The following TMLHE variants were observed in gnomAD, a reference collection of about 807,000 sequenced individuals.
The protein encoded by TMLHE is trimethyllysine hydroxylase, epsilon.
In TMLHE, 18 loss-of-function variants were observed where a neutral mutation model predicts 25.7. The ratio of observed to expected loss-of-function variants is 0.70; its 90% confidence interval spans 0.48 to 1.04. The LOEUF (loss-of-function observed/expected upper bound fraction) is 1.04. TMLHE is among the 50% of genes least tolerant of loss of function. The pLI is 0.00. For missense variants in TMLHE, 236 were observed against 259.0 expected (o/e 0.91, Z 0.61); for synonymous variants, 105 against 97.0 (o/e 1.08, Z -0.49).
intron 2 of TMLHE, among the ~76,000 whole-genome samples, chrX:155,540,190 T>TAAAC (rs1557338032): frequency 9.1e-6 from 1 of 109,628 alleles, no homozygotes; most frequent in Admixed American, 9.8e-5. Context: ...ACAATTTGAA[T>TAAAC]AAACAAACAA....
chrX:155,528,482 C>T (rs782072846), intron 2 of TMLHE, among the ~76,000 whole-genome samples: 2 of 110,068 alleles, frequency 1.8e-5, no homozygotes, highest in Non-Finnish European at 3.8e-5. Flanking sequence ...CTTTATCCCC[C>T]TCCTTCCCTC....
At chrX:155,534,074 C>T (rs2067264822) in intron 2 of TMLHE, among the ~76,000 whole-genome samples, 1 of 111,663 alleles carries the variant, frequency 9.0e-6, no homozygotes, top group Non-Finnish European at 1.9e-5. Flanking sequence ...TCAACAGAAG[C>T]CATAAACAGA....
chrX:155,547,981 C>G (rs968438566), intron 1 of TMLHE, among the ~76,000 whole-genome samples: 2 of 111,464 alleles, frequency 1.8e-5, no homozygotes, highest in East Asian at 2.8e-4. Context: ...TTCCCATAAT[C>G]TCACTACTCA....
intron 1 of TMLHE, among the ~76,000 whole-genome samples, chrX:155,608,170 A>G (rs782310797): frequency 8.9e-6 from 1 of 112,195 alleles, no homozygotes; most frequent in Non-Finnish European, 1.9e-5. Flanking sequence ...AGAAGTCTAC[A>G]GTAACCAAAA....
At chrX:155,582,206 G>A (rs782729398) in intron 1 of TMLHE, among the ~76,000 whole-genome samples, 2 of 111,847 alleles carry the variant, frequency 1.8e-5, no homozygotes, top group South Asian at 7.4e-4. Flanking sequence ...TGTTAGACCT[G>A]AAACCACAAA....
At chrX:155,583,187 G>T (rs1557344817) in intron 1 of TMLHE, among the ~76,000 whole-genome samples, 2 of 111,062 alleles carry the variant, frequency 1.8e-5, no homozygotes, top group African/African-American at 6.6e-5. Context: ...TTGGGGGATG[G>T]GGGAGGGATA....
chrX:155,607,853 G>A (rs2067795923), intron 1 of TMLHE, among the ~76,000 whole-genome samples: 1 of 111,355 alleles, frequency 9.0e-6, no homozygotes, highest in African/African-American at 3.3e-5. Flanking sequence ...AGCTAACCTG[G>A]GAGATGAAAG....
At chrX:155,533,007 T>TA (rs2067258066) in intron 2 of TMLHE, among the ~76,000 whole-genome samples, 1 of 111,921 alleles carries the variant, frequency 8.9e-6, no homozygotes, top group African/African-American at 3.3e-5. Context: ...GGTGCCCAGA[T>TA]AAGTGGCTAA....
intron 1 of TMLHE, among the ~76,000 whole-genome samples, chrX:155,585,431 A>ACG (rs1557345186): frequency 9.1e-6 from 1 of 109,906 alleles, no homozygotes; most frequent in African/African-American, 3.3e-5. Context: ...ACACACACAC[A>ACG]CACACACACA....
At chrX:155,505,892 T>C (rs1382032108) in intron 6 of TMLHE, among the ~76,000 whole-genome samples, 2 of 111,169 alleles carry the variant, frequency 1.8e-5, no homozygotes, top group African/African-American at 6.5e-5. Context: ...AACAGTTTGC[T>C]TGGAATAAGC....
chrX:155,533,894 G>A (rs2067263924), intron 2 of TMLHE, among the ~76,000 whole-genome samples: 1 of 111,838 alleles, frequency 8.9e-6, no homozygotes, highest in South Asian at 3.7e-4. Flanking sequence ...ATTGAAGAAG[G>A]AACTGTTAAA....
chrX:155,581,004 C>A (rs1290485982), intron 1 of TMLHE, among the ~76,000 whole-genome samples: 3 of 111,897 alleles, frequency 2.7e-5, no homozygotes, highest in Non-Finnish European at 5.6e-5. Flanking sequence ...CCCTGGGATG[C>A]AAGGCTGGTT....
chrX:155,523,331 GA>G (rs2067199930), intron 3 of TMLHE, among the ~76,000 whole-genome samples: 1 of 110,654 alleles, frequency 9.0e-6, no homozygotes, highest in Non-Finnish European at 1.9e-5. Flanking sequence ...AATCTACTAT[GA>G]TTTTTTTTTT....
intron 1 of TMLHE, among the ~76,000 whole-genome samples, chrX:155,580,796 A>C (rs2067621880): frequency 9.0e-6 from 1 of 111,727 alleles, no homozygotes; most frequent in Non-Finnish European, 1.9e-5. Flanking sequence ...CAATAGAAAA[A>C]GAAGGAATCC....
At position 155,612,799 on chromosome X, in the gene TMLHE, G is replaced by C. The variant is rs2067833977; in HGVS notation, c.-9C>G. ...CCACGGGACGGAACCCACCTGTGCT[G>C]GAGGTCGTGACTGCTAACTCCGCAG... On this transcript the variant is annotated 5_prime_UTR_variant, in exon 1 of 8. Transcript: ENST00000334398. The C allele has an allele frequency of 8.9e-6, 1 of 112,198 alleles. No individual in the cohort carries two copies. The highest frequency in any genetic ancestry group is 3.9e-4 in the South Asian group (1 of 2,595). 9.2% of individuals were successfully genotyped at this position (112,198 alleles called of 1,213,427 possible).
chrX:155,520,182 G>A (rs1253946160), intron 3 of TMLHE, among the ~76,000 whole-genome samples: 1 of 13,754 alleles, frequency 7.3e-5, no homozygotes, highest in African/African-American at 1.6e-4. Context: ...TCCATGTTGA[G>A]CACTTCCTTC....
chrX:155,545,671 G>GTAA (rs1313089622), intron 1 of TMLHE, among the ~76,000 whole-genome samples: 1 of 112,000 alleles, frequency 8.9e-6, no homozygotes, highest in Non-Finnish European at 1.9e-5. Flanking sequence ...TAGTGACATG[G>GTAA]TAATGTAGCA....
At chrX:155,547,649 C>G (rs1357948077) in intron 1 of TMLHE, among the ~76,000 whole-genome samples, 5 of 109,232 alleles carry the variant, frequency 4.6e-5, no homozygotes, top group African/African-American at 6.7e-5. Flanking sequence ...TGGTGGAGCT[C>G]CACATGACTA....
At chrX:155,599,096 C>T (rs2067741413) in intron 1 of TMLHE, among the ~76,000 whole-genome samples, 1 of 111,431 alleles carries the variant, frequency 9.0e-6, no homozygotes, top group African/African-American at 3.3e-5. Flanking sequence ...TGTTAATTGA[C>T]TGTTTATGTT....
Sources: allele counts gnomAD v4.1 joint callset (sites outside exome capture counted in the v4.1 genomes callset), GRCh38; gene constraint gnomAD v4.1.1; transcripts MANE v1.5; gene names NCBI Gene and HGNC (gene_info 2026-07-23, HGNC 2026-07-21).